The following RPS20 variants were observed in gnomAD, a reference collection of about 807,000 sequenced individuals.
RPS20 encodes the protein small ribosomal subunit protein uS10.
Under a neutral mutation model 15.3 loss-of-function variants are expected in RPS20, and 3 were observed. That is an observed-to-expected ratio of 0.20 (90% CI 0.09 to 0.51). The LOEUF (loss-of-function observed/expected upper bound fraction) is 0.51. Ranked by LOEUF, RPS20 falls within the 20% of genes least tolerant of loss-of-function variation. The pLI, the probability that RPS20 is intolerant of heterozygous loss-of-function variation, is 0.96. For synonymous variants in RPS20, 62 were observed against 47.8 expected, an observed-to-expected ratio of 1.30 and a Z score of -1.23; for missense variants, 67 against 145.9, an observed-to-expected ratio of 0.46 and a Z score of 2.79.
downstream of RPS20, chr8:56,072,921 T>C: frequency 7.3e-7 from 1 of 1,367,424 alleles, no homozygotes; most frequent in African/African-American, 1.5e-5. Flanking sequence ...AGTTTTCAAA[T>C]GACTCAAACG....
intron 3 of RPS20, 158 bp downstream of exon 3, chr8:56,073,537 T>C: frequency 2.9e-6 from 2 of 686,954 alleles, no homozygotes; most frequent in East Asian, 2.6e-5. Context: ...ATCTAAACAT[T>C]AGCTACTTAC....
chr8:56,072,930 C>A, downstream of RPS20: 1 of 1,374,706 alleles, frequency 7.3e-7, no homozygotes, highest in Non-Finnish European at 9.4e-7. Flanking sequence ...ATGACTCAAA[C>A]GACAACGAAA....
chr8:56,073,952 A>G, intron 2 of RPS20, 108 bp downstream of exon 2: 2 of 1,157,350 alleles, frequency 1.7e-6, no homozygotes, highest in Non-Finnish European at 2.6e-6. Context: ...TTTTTAAGTA[A>G]CTTGTCACTT....
At chr8:56,069,600 T>C (rs1464410149), downstream of RPS20, 1 of 838,948 alleles carries the variant, frequency 1.2e-6, no homozygotes, top group Admixed American at 2.1e-5. Context: ...CGCCCAGCCA[T>C]AGTTCCTCTT....
downstream of RPS20, among the ~76,000 whole-genome samples, chr8:56,072,098 C>A (rs532491735): frequency 6.6e-6 from 1 of 152,042 alleles, no homozygotes; most frequent in African/African-American, 2.4e-5. Context: ...ATTAGCTGGG[C>A]ATGGTAGCCA....
exon 6 of RPS20, chr8:56,067,816 A>G (rs1809652526): frequency 6.6e-6 from 1 of 152,354 alleles, no homozygotes; most frequent in Middle Eastern, 3.4e-3. Flanking sequence ...AGTATCAAGT[A>G]ATCAAACTCA....
At chr8:56,069,777 C>CA (rs1442131796), downstream of RPS20, 4 of 1,550,800 alleles carry the variant, frequency 2.6e-6, no homozygotes, top group Non-Finnish European at 3.5e-6. Flanking sequence ...ATACACTTCT[C>CA]AAAGTGTACT....
At chr8:56,068,803 ATATCTTTTTTTTTT>A (rs1246550035), downstream of RPS20, among the ~76,000 whole-genome samples, 3 of 92,638 alleles carry the variant, frequency 3.2e-5, no homozygotes, top group Admixed American at 1.3e-4. Flanking sequence ...CTTGGTGAAA[ATATCTTTTTTTTTT>A]TTTTTTTTTT....
In RPS20 at chr8:56,074,502, A is replaced by G. The variant is rs1327818315; in HGVS notation, c.-119T>C. ...AGCCCTTACGACCGCGTCTTCCTCA[A>G]AAAGAAAGGGGTGGGACTTGAGCAA... On this transcript the variant is annotated 5_prime_UTR_variant, in exon 1 of 4. Transcript: ENST00000009589. 4 of 1,119,350 alleles carry G rather than the reference A, an allele frequency of 3.6e-6. No homozygotes were observed. Among genetic ancestry groups the G allele is most frequent in the South Asian group, 2.8e-5 (2 of 70,516 alleles). 69.3% of individuals were successfully genotyped at this position (1,119,350 alleles called of 1,614,324 possible).
At chr8:56,073,508 A>G (rs1311957239) in intron 3 of RPS20, 187 bp downstream of exon 3, 11 of 650,322 alleles carry the variant, frequency 1.7e-5, no homozygotes, top group Non-Finnish European at 2.7e-5. Flanking sequence ...GAACACAGCA[A>G]CAATAATTCA....
chr8:56,070,502 G>C (rs182452442), downstream of RPS20, among the ~76,000 whole-genome samples: 1 of 152,140 alleles, frequency 6.6e-6, no homozygotes, highest in African/African-American at 2.4e-5. Flanking sequence ...ATGGGAGGCC[G>C]AGGAGGGTGG....
chr8:56,069,942 TAC>T (rs1171812329), downstream of RPS20: 1 of 696,242 alleles, frequency 1.4e-6, no homozygotes, highest in African/African-American at 1.8e-5. Context: ...ACATACCATT[TAC>T]ATTGTATTAG....
At chr8:56,072,558 C>CCCA (rs1554524460), downstream of RPS20, among the ~76,000 whole-genome samples, 1 of 138,922 alleles carries the variant, frequency 7.2e-6, no homozygotes, top group East Asian at 2.1e-4. Context: ...TCCCCCCCCC[C>CCCA]AAAAAAAAAA....
downstream of RPS20, among the ~76,000 whole-genome samples, chr8:56,070,572 C>CA (rs139678309): frequency 5.3e-5 from 8 of 151,898 alleles, no homozygotes; most frequent in East Asian, 1.2e-3. Flanking sequence ...CCCATCTCCA[C>CA]AAAAAAAGCC....
At chr8:56,073,444 G>C in intron 3 of RPS20, 172 bp from the exon 4 acceptor site, 1 of 642,652 alleles carries the variant, frequency 1.6e-6, no homozygotes, top group South Asian at 1.9e-5. Context: ...TGTTTTCACT[G>C]TGCTAGGACA....
At chr8:56,074,242 G>A in intron 1 of RPS20, 83 bp from the exon 2 acceptor site, 2 of 1,522,414 alleles carry the variant, frequency 1.3e-6, no homozygotes, top group Non-Finnish European at 1.8e-6. Context: ...GAAGCTTCCC[G>A]CGTTTCCCCA....
At chr8:56,071,634 A>G (rs1809758345), downstream of RPS20, among the ~76,000 whole-genome samples, 1 of 152,192 alleles carries the variant, frequency 6.6e-6, no homozygotes, top group African/African-American at 2.4e-5. Context: ...CACAGGACAG[A>G]GCTTCTGGGA....
chr8:56,073,662 ACTC>A, intron 3 of RPS20, 30 bp downstream of exon 3: 1 of 1,568,764 alleles, frequency 6.4e-7, no homozygotes, highest in South Asian at 1.1e-5. Context: ...TCCGGAAGCA[ACTC>A]CTACTTCCTG....
At chr8:56,073,053 G>T (rs755967009), downstream of RPS20, 1 of 1,584,004 alleles carries the variant, frequency 6.3e-7, no homozygotes, top group South Asian at 1.1e-5. Context: ...ACCAACAGAA[G>T]TTAACAACTG....
Sources: allele counts gnomAD v4.1 joint callset (sites outside exome capture counted in the v4.1 genomes callset), GRCh38; gene constraint gnomAD v4.1.1; transcripts MANE v1.5; gene names NCBI Gene and HGNC (gene_info 2026-07-23, HGNC 2026-07-21).